ABI2: variants seen among roughly 807,000 people sequenced by gnomAD.
ABI2 encodes abelson interactor 2.
A neutral mutation model predicts 59.2 loss-of-function variants in ABI2; 25 were observed. That is an observed-to-expected ratio of 0.42 (90% CI 0.31 to 0.59). The LOEUF (loss-of-function observed/expected upper bound fraction) is 0.59. Among genes scored for constraint, ABI2 ranks in the 20% least tolerant of loss-of-function variants. The pLI, the probability that ABI2 is intolerant of heterozygous loss-of-function variation, is 0.14. For missense variants in ABI2, 545 were observed against 681.8 expected (o/e 0.80, Z 2.23); for synonymous variants, 213 against 235.5 (o/e 0.90, Z 0.87).
chr2:203,423,091 A>G (rs987693430), intron 11 of ABI2, among the ~76,000 whole-genome samples: 7 of 152,324 alleles, frequency 4.6e-5, no homozygotes, highest in African/African-American at 1.4e-4. Context: ...CTAATACCCT[A>G]CAATATTTGG....
At chr2:203,341,665 G>A (rs2079998913) in intron 1 of ABI2, among the ~76,000 whole-genome samples, 1 of 152,054 alleles carries the variant, frequency 6.6e-6, no homozygotes, top group East Asian at 1.9e-4. Context: ...AGCCTAGATT[G>A]CACCACTGCA....
intron 4 of ABI2, 112 bp downstream of exon 4, chr2:203,382,318 C>G (rs1227284896): frequency 2.2e-6 from 2 of 925,830 alleles, no homozygotes; most frequent in Non-Finnish European, 3.2e-6. Flanking sequence ...TAAATAATTC[C>G]TCCTTTTTGT....
At chr2:203,409,549 CCATCTT>C (rs1312927079) in intron 9 of ABI2, among the ~76,000 whole-genome samples, 1 of 152,222 alleles carries the variant, frequency 6.6e-6, no homozygotes, top group Non-Finnish European at 1.5e-5. Context: ...AGTGACATCT[CCATCTT>C]CATAGTTACG....
chr2:203,336,835 T>C (rs1168246863), intron 1 of ABI2, among the ~76,000 whole-genome samples: 4 of 152,250 alleles, frequency 2.6e-5, no homozygotes, highest in African/African-American at 7.2e-5. Flanking sequence ...TATTACCGTA[T>C]GGTAAATGTG....
intron 1 of ABI2, among the ~76,000 whole-genome samples, chr2:203,345,059 G>A (rs910821290): frequency 3.3e-5 from 5 of 152,222 alleles, no homozygotes; most frequent in Admixed American, 2.6e-4. Context: ...AACCCGCCGG[G>A]GTCCTCTTCC....
At chr2:203,400,587 G>A (rs1436766821) in intron 8 of ABI2, among the ~76,000 whole-genome samples, 1 of 152,096 alleles carries the variant, frequency 6.6e-6, no homozygotes, top group Non-Finnish European at 1.5e-5. Flanking sequence ...TGGTTACAGA[G>A]GCTTCTCAGT....
chr2:203,376,084 G>C (rs1355964037), intron 2 of ABI2: 1 of 1,534,296 alleles, frequency 6.5e-7, no homozygotes, highest in Admixed American at 2.0e-5. Context: ...ATCTTGAGTC[G>C]ACTTTTGTGA....
intron 2 of ABI2, among the ~76,000 whole-genome samples, chr2:203,371,151 A>G (rs752206114): frequency 2.6e-5 from 4 of 152,162 alleles, no homozygotes; most frequent in Non-Finnish European, 4.4e-5. Context: ...TGCGATTCTC[A>G]CAAATGAGCT....
At chr2:203,406,033 C>A (rs1245618246) in intron 9 of ABI2, among the ~76,000 whole-genome samples, 1 of 152,112 alleles carries the variant, frequency 6.6e-6, no homozygotes, top group East Asian at 1.9e-4. Context: ...ACTGAAATCC[C>A]TTTGGTTCTC....
Position 203,431,310 on chromosome 2 carries a change from G to A in ABI2, c.*3958G>A, listed in dbSNP as rs980719741. ...AGTGCTCAGTACTTAATTTTCCACTGCACCACAACTGTCTTAACTAAATGT... is the reference window on the plus strand; with the variant it reads ...AGTGCTCAGTACTTAATTTTCCACTACACCACAACTGTCTTAACTAAATGT... On this transcript the variant is annotated 3_prime_UTR_variant, in exon 12 of 12. Coordinates refer to ENST00000261018, the MANE Select transcript of ABI2 (RefSeq NM_001375670.1). The A allele has an allele frequency of 1.3e-5, 2 of 152,584 alleles. No homozygotes were observed. The highest frequency in any genetic ancestry group is 4.8e-5 in the African/African-American group (2 of 41,426). 9.5% of individuals were successfully genotyped at this position (152,584 alleles called of 1,614,324 possible).
intron 6 of ABI2, 128 bp downstream of exon 6, chr2:203,394,974 C>G: frequency 1.0e-6 from 1 of 1,000,260 alleles, no homozygotes; most frequent in Non-Finnish European, 1.5e-6. Context: ...CAAACCTCAT[C>G]TGATTTCACC....
chr2:203,402,509 A>G (rs899264617), intron 8 of ABI2, 67 bp from the exon 9 acceptor site: 2 of 1,209,464 alleles, frequency 1.7e-6, no homozygotes, highest in Admixed American at 3.3e-5. Context: ...GGCATTGTAC[A>G]TAAAGTATTT....
At chr2:203,352,711 TAAG>T (rs2089622939) in intron 1 of ABI2, among the ~76,000 whole-genome samples, 1 of 152,184 alleles carries the variant, frequency 6.6e-6, no homozygotes, top group Admixed American at 6.5e-5. Flanking sequence ...AGAGAAAATT[TAAG>T]AAATAAATTT....
chr2:203,366,643 G>T lies in ABI2; in HGVS notation c.118-234G>T, dbSNP rs73990632. On this transcript the variant is annotated intron_variant, in intron 1 of 11. Coordinates refer to ENST00000261018, the MANE Select transcript of ABI2 (RefSeq NM_001375670.1). The stretch of plus-strand genomic sequence containing the variant: ...TCATTTTCTAGATAATGGCTTTAGG[G>T]TTTTATTTGCATCTGTGCAAAGATG... 3.2e-3 allele frequency among the ~76,000 whole-genome samples: 485 copies of T among 152,260 alleles called. 7 individuals are homozygous for T. Among genetic ancestry groups the T allele is most frequent in the African/African-American group, 0.01 (429 of 41,558 alleles).
rs556591126 is a variant in ABI2, at chr2:203,418,651, T to G, written c.1453+1570T>G. On this transcript the variant is annotated intron_variant, in intron 11 of 11. Coordinates refer to ENST00000261018, the MANE Select transcript of ABI2 (RefSeq NM_001375670.1). Reference sequence around the variant, plus strand: ...ATGCAAGCAAGACACTAGTCCTTTTTTCACCTTAACCCAGCAGCGATGACC... The same window carrying G: ...ATGCAAGCAAGACACTAGTCCTTTTGTCACCTTAACCCAGCAGCGATGACC... Among the ~76,000 whole-genome samples the G allele has an allele frequency of 3.9e-4, 60 of 152,348 alleles. 1 individual carries two copies. The South Asian group carries it at 0.012, about 30-fold the overall frequency.
intron 1 of ABI2, among the ~76,000 whole-genome samples, chr2:203,337,628 T>C (rs1014350999): frequency 2.6e-5 from 4 of 152,186 alleles, no homozygotes; most frequent in African/African-American, 9.6e-5. Context: ...TTCACAAAAA[T>C]AGAAAAACCC....
chr2:203,360,841 A>G (rs193034971), intron 1 of ABI2, among the ~76,000 whole-genome samples: 9 of 152,350 alleles, frequency 5.9e-5, no homozygotes, highest in Admixed American at 5.9e-4. Flanking sequence ...ACAAGGTTAA[A>G]TGGGACTCTT....
At chr2:203,364,091 C>CTT (rs75432257) in intron 1 of ABI2, among the ~76,000 whole-genome samples, 12 of 140,510 alleles carry the variant, frequency 8.5e-5, no homozygotes, top group African/African-American at 2.6e-4. Flanking sequence ...GTCCATTCAT[C>CTT]TTTTTTTTTT....
intron 1 of ABI2, among the ~76,000 whole-genome samples, chr2:203,342,755 C>A (rs963266467): frequency 6.6e-6 from 1 of 151,648 alleles, no homozygotes; most frequent in Admixed American, 6.6e-5. Context: ...TGGCTAATCG[C>A]CCTCAAAACC....
Sources: gnomAD v4.1 joint callset for allele counts (sites outside exome capture counted in the v4.1 genomes callset) on GRCh38, gnomAD v4.1.1 for gene constraint, MANE v1.5 for transcripts, NCBI Gene and HGNC (gene_info 2026-07-23, HGNC 2026-07-21) for gene names.